HS6ST3: variants seen among roughly 807,000 people sequenced by gnomAD.
The protein encoded by HS6ST3 is heparan sulfate 6-O-sulfotransferase 3, also known as heparan-sulfate 6-O-sulfotransferase 3.
Under a neutral mutation model 36.7 loss-of-function variants are expected in HS6ST3, and 12 were observed. The observed-to-expected ratio is 0.33, with a 90% CI of 0.21 to 0.53. The LOEUF (loss-of-function observed/expected upper bound fraction) is 0.53. Ranked by LOEUF, HS6ST3 falls within the 20% of genes least tolerant of loss-of-function variation. HS6ST3 has a pLI of 0.95. For missense variants in HS6ST3, 584 were observed against 640.9 expected, an observed-to-expected ratio of 0.91 and a Z score of 0.96; for synonymous variants, 240 against 257.5, an observed-to-expected ratio of 0.93 and a Z score of 0.65.
intron 1 of HS6ST3, among the ~76,000 whole-genome samples, chr13:96,548,289 C>T (rs2056205223): frequency 6.6e-6 from 1 of 152,108 alleles, no homozygotes; most frequent in Non-Finnish European, 1.5e-5. Context: ...CCTTGCTTAT[C>T]CATCCCACCC....
chr13:96,828,743 C>G (rs1282661664), intron 1 of HS6ST3, among the ~76,000 whole-genome samples: 1 of 152,148 alleles, frequency 6.6e-6, no homozygotes, highest in Non-Finnish European at 1.5e-5. Flanking sequence ...GTCTTGGGCA[C>G]CAGACTATAG....
At chr13:96,296,012 C>T (rs1383765386) in intron 1 of HS6ST3, among the ~76,000 whole-genome samples, 6 of 151,928 alleles carry the variant, frequency 3.9e-5, no homozygotes, top group African/African-American at 7.3e-5. Context: ...GTCCTGGGCC[C>T]TCAGTACAGG....
intron 1 of HS6ST3, among the ~76,000 whole-genome samples, chr13:96,752,515 T>A (rs761142305): frequency 1.3e-5 from 2 of 152,218 alleles, no homozygotes; most frequent in Non-Finnish European, 2.9e-5. Flanking sequence ...AAATAGAATG[T>A]CATTGTGATC....
chr13:96,207,847 A>AGTTGGTGCCAT (rs1207516493), intron 1 of HS6ST3, among the ~76,000 whole-genome samples: 1 of 152,120 alleles, frequency 6.6e-6, no homozygotes, highest in East Asian at 1.9e-4. Context: ...CCATGGGGGA[A>AGTTGGTGCCAT]GGGATAGCAT....
At chr13:96,748,689 C>T (rs371094558) in intron 1 of HS6ST3, among the ~76,000 whole-genome samples, 3 of 152,194 alleles carry the variant, frequency 2.0e-5, no homozygotes, top group South Asian at 4.1e-4. Context: ...TGAAGTGTCA[C>T]TTGAGTGCTT....
intron 1 of HS6ST3, among the ~76,000 whole-genome samples, chr13:96,407,108 A>G (rs2055482419): frequency 2.0e-5 from 3 of 152,226 alleles, no homozygotes; most frequent in Admixed American, 1.3e-4. Context: ...TATCTTTGAA[A>G]TGAATGTATT....
chr13:96,751,154 G>A (rs2138492303), intron 1 of HS6ST3, among the ~76,000 whole-genome samples: 1 of 152,158 alleles, frequency 6.6e-6, no homozygotes, highest in Non-Finnish European at 1.5e-5. Flanking sequence ...GGCTTGAAGG[G>A]TGCTCCTCCT....
chr13:96,683,337 G>T (rs2056724616), intron 1 of HS6ST3, among the ~76,000 whole-genome samples: 2 of 152,108 alleles, frequency 1.3e-5, no homozygotes, highest in African/African-American at 4.8e-5. Flanking sequence ...CTGTCAAATT[G>T]TGTCTCTTCC....
intron 1 of HS6ST3, among the ~76,000 whole-genome samples, chr13:96,470,858 A>G (rs369688772): frequency 4.6e-5 from 7 of 152,184 alleles, no homozygotes; most frequent in African/African-American, 1.7e-4. Flanking sequence ...GCCACCTCCA[A>G]TTTACCATTT....
chr13:96,824,358 C>T (rs1288746565), intron 1 of HS6ST3, among the ~76,000 whole-genome samples: 2 of 152,240 alleles, frequency 1.3e-5, no homozygotes, highest in African/African-American at 4.8e-5. Context: ...CGCTGTGACA[C>T]ACACCACTGT....
At chr13:96,374,193 T>G (rs144982947) in intron 1 of HS6ST3, among the ~76,000 whole-genome samples, 1 of 152,314 alleles carries the variant, frequency 6.6e-6, no homozygotes, top group African/African-American at 2.4e-5. Context: ...TACAGTATTT[T>G]TGTTTTTATT....
At chr13:96,664,415 G>A (rs1267252064) in intron 1 of HS6ST3, among the ~76,000 whole-genome samples, 1 of 152,104 alleles carries the variant, frequency 6.6e-6, no homozygotes, top group Admixed American at 6.5e-5. Context: ...GACCCCAGTT[G>A]CTGTGCTGTG....
intron 1 of HS6ST3, among the ~76,000 whole-genome samples, chr13:96,649,644 A>C (rs1357150968): frequency 6.6e-6 from 1 of 151,912 alleles, no homozygotes; most frequent in African/African-American, 2.4e-5. Context: ...CACCTCCATT[A>C]CTGTATCCTG....
intron 1 of HS6ST3, among the ~76,000 whole-genome samples, chr13:96,523,529 C>T (rs555459884): frequency 1.2e-4 from 19 of 152,286 alleles, no homozygotes; most frequent in Non-Finnish European, 1.8e-4. Flanking sequence ...GGTCTTTTCA[C>T]GTAGTCCCAT....
chr13:96,535,557 C>CA (rs5805976), intron 1 of HS6ST3, among the ~76,000 whole-genome samples: 96,443 of 125,216 alleles, frequency 0.77, 37,151 homozygotes, highest in South Asian at 0.85. Flanking sequence ...GACTCTGTTT[C>CA]AAAAAAAAAA....
At chr13:96,750,221 T>C (rs1056698183) in intron 1 of HS6ST3, among the ~76,000 whole-genome samples, 2 of 152,346 alleles carry the variant, frequency 1.3e-5, no homozygotes, top group South Asian at 4.1e-4. Flanking sequence ...AAAAAACTCA[T>C]AAAGTGTTAG....
chr13:96,595,550 A>G (rs1051003299), intron 1 of HS6ST3, among the ~76,000 whole-genome samples: 1 of 151,194 alleles, frequency 6.6e-6, no homozygotes, highest in Non-Finnish European at 1.5e-5. Flanking sequence ...CTGATTGGTG[A>G]CCTTCAGCCT....
intron 1 of HS6ST3, among the ~76,000 whole-genome samples, chr13:96,592,612 TAA>T (rs2056386566): frequency 6.6e-6 from 1 of 152,206 alleles, no homozygotes; most frequent in South Asian, 2.1e-4. Context: ...TGGTGTTGAC[TAA>T]ATTCCTCAGC....
intron 1 of HS6ST3, among the ~76,000 whole-genome samples, chr13:96,322,901 T>C (rs1256472216): frequency 1.3e-5 from 2 of 152,212 alleles, no homozygotes; most frequent in Non-Finnish European, 2.9e-5. Flanking sequence ...TATCAGTTCC[T>C]TCATTTTCAA....
Sources: allele counts gnomAD v4.1 joint callset (sites outside exome capture counted in the v4.1 genomes callset), GRCh38; gene constraint gnomAD v4.1.1; transcripts MANE v1.5; gene names NCBI Gene and HGNC (gene_info 2026-07-23, HGNC 2026-07-21).